Variants in LAMB3 observed in about 807,000 individuals in gnomAD.
The protein encoded by LAMB3 is laminin subunit beta-3.
In LAMB3, 104 loss-of-function variants were observed where a neutral mutation model predicts 140.3. That is an observed-to-expected ratio of 0.74 (90% confidence interval 0.63 to 0.87). LAMB3 has a LOEUF of 0.87. Among genes scored for constraint, LAMB3 ranks in the 40% least tolerant of loss-of-function variants. The probability of loss-of-function intolerance (pLI) is 0.00; values close to 1 mark genes in which losing one functional copy is unlikely to be tolerated. For synonymous variants in LAMB3, 592 were observed against 602.9 expected (o/e 0.98, Z 0.26); for missense variants, 1,531 against 1,575.2 (o/e 0.97, Z 0.47).
chr1:209,614,985 C>A lies in LAMB3; in HGVS notation c.*286G>T. Reference sequence around the variant, plus strand: ...TCCAGGATTCCTCCCCAGTGGAGAACTAAAGGCGGGGGATACTGCCCAGCC... The same window carrying A: ...TCCAGGATTCCTCCCCAGTGGAGAAATAAAGGCGGGGGATACTGCCCAGCC... On this transcript the variant is annotated 3_prime_UTR_variant, in exon 23 of 23. Transcript: ENST00000356082. 1 of 410,510 alleles carries A rather than the reference C, an allele frequency of 2.4e-6. No individual in the cohort carries two copies. 25.4% of individuals were successfully genotyped at this position (410,510 alleles called of 1,614,324 possible).
chr1:209,626,533 C>T (rs1422855547), intron 13 of LAMB3, among the ~76,000 whole-genome samples: 1 of 152,258 alleles, frequency 6.6e-6, no homozygotes, highest in African/African-American at 2.4e-5. Context: ...GGACTCACTT[C>T]CTCCATCTAT....
intron 8 of LAMB3, 83 bp downstream of exon 8, chr1:209,632,500 C>T: frequency 9.0e-7 from 1 of 1,116,814 alleles, no homozygotes; most frequent in East Asian, 2.4e-5. Flanking sequence ...AGTGCCCTTC[C>T]TGCTTTACAG....
chr1:209,623,065 C>A lies in LAMB3; in HGVS notation c.2473G>T (p.Ala825Ser), dbSNP rs766978893. ...CCCGCCATCAAGAAGGCCCCACCGG[C>A]CCTGGGAAGGACACCCCTGCAGCGG... Reference protein sequence around the residue: ...GSRCRGVLPRAGGAFLMAGQV... With the variant: ...GSRCRGVLPRSGGAFLMAGQV... The change falls in exon 17 of 23, where the codon GCC (alanine) becomes TCC (serine). Residue 825 changes from alanine (A) to serine (S), a missense_variant. Ala to Ser is a moderately conservative substitution (Grantham distance 99, BLOSUM62 1). Coordinates refer to ENST00000356082, the MANE Select transcript of LAMB3 (RefSeq NM_000228.3). The surrounding 1 kb of genome is among the most constrained non-coding windows in gnomAD (Gnocchi z 4.2). The A allele has an allele frequency of 6.2e-7, 1 of 1,614,202 alleles. No individual in the cohort carries two copies. The highest frequency in any genetic ancestry group is 1.7e-5 in the Admixed American group (1 of 60,032).
rs774211551 is a variant in LAMB3, at chr1:209,637,893, C to G, written c.372+15G>C. On this transcript the variant is annotated intron_variant, in intron 5 of 22. Transcript: ENST00000356082. The stretch of plus-strand genomic sequence containing the variant: ...GAGCCCCTCTCCTATCCACTGCCAC[C>G]CCCAGGAGGCACACCTGGAACTCCA... 4 of 1,607,260 alleles carry G rather than the reference C, an allele frequency of 2.5e-6. No individual in the cohort carries two copies. The Admixed American group carries it at 6.7e-5, about 27-fold the overall frequency.
intron 7 of LAMB3, 87 bp from the exon 8 acceptor site, chr1:209,632,863 T>A (rs117889079): frequency 3.8e-6 from 5 of 1,332,070 alleles, no homozygotes; most frequent in Non-Finnish European, 4.3e-6. Context: ...CTCCTTCATA[T>A]GTGATACCGT....
intron 18 of LAMB3, among the ~76,000 whole-genome samples, chr1:209,619,199 C>A (rs1486746986): frequency 1.3e-5 from 2 of 152,238 alleles, no homozygotes; most frequent in Admixed American, 6.5e-5. Context: ...ATTGCAACCT[C>A]CACCCTGGAC....
intron 9 of LAMB3, 151 bp from the exon 10 acceptor site, chr1:209,630,076 A>T (rs1214749775): frequency 1.4e-6 from 1 of 740,182 alleles, no homozygotes; most frequent in East Asian, 2.7e-5. Flanking sequence ...AGGTTTGTAT[A>T]ACTTATTTAA....
intron 18 of LAMB3, among the ~76,000 whole-genome samples, 172 bp downstream of exon 18, chr1:209,622,364 G>T (rs1343846817): frequency 1.3e-5 from 2 of 152,212 alleles, no homozygotes; most frequent in Non-Finnish European, 1.5e-5. Context: ...AGTGGGTGGG[G>T]AGGGCAGACG....
At chr1:209,646,605 G>C (rs67566242) in intron 3 of LAMB3, among the ~76,000 whole-genome samples, 26,096 of 152,186 alleles carry the variant, frequency 0.17, 2,420 homozygotes, top group African/African-American at 0.23. Context: ...GCACAGAGGA[G>C]GGCAGCCCAG....
intron 4 of LAMB3, 90 bp downstream of exon 4, chr1:209,638,444 G>T: frequency 2.3e-6 from 2 of 854,168 alleles, no homozygotes; most frequent in South Asian, 1.3e-5. Context: ...AGAAATGCCT[G>T]GGAAACCCAA....
chr1:209,647,182 C>T (rs964260902), intron 3 of LAMB3, among the ~76,000 whole-genome samples: 3 of 152,172 alleles, frequency 2.0e-5, no homozygotes, highest in African/African-American at 4.8e-5. Context: ...AACATGGACC[C>T]GGAATTTACA....
rs373815949 is a variant in LAMB3, at chr1:209,629,813, G to C, written c.1056C>G (p.Gly352=). ...VCDNCRDHTE[G]KNCERCQLHY... ...GCAGCTGACACCGCTCACAGTTCTTGCCTTCGGTGTGGTCCCGGCAATTGT... is the reference window on the plus strand; with the variant it reads ...GCAGCTGACACCGCTCACAGTTCTTCCCTTCGGTGTGGTCCCGGCAATTGT... The change falls in exon 10 of 23, where the codon GGC becomes GGG. Residue 352 remains glycine, a synonymous_variant. Coordinates refer to ENST00000356082, the MANE Select transcript of LAMB3 (RefSeq NM_000228.3). 3.8e-5 allele frequency: 62 copies of C among 1,613,962 alleles called. No individual in the cohort carries two copies. Among genetic ancestry groups the C allele is most frequent in the Admixed American group, 8.3e-5 (5 of 60,016 alleles).
Position 209,623,651 on chromosome 1 carries a change from G to A in LAMB3, c.2212C>T (p.Leu738Phe). 6.2e-7 allele frequency: 1 copy of A among 1,614,210 alleles called. No homozygotes were observed. Among genetic ancestry groups the A allele is most frequent in the Non-Finnish European group, 8.5e-7 (1 of 1,180,032 alleles). ...AAQQVSDSSR[L>F]LDQLRDSRRE... ...CGGCTGTCCCTGAGCTGGTCCAAAA[G>A]GCGCGAGCTGTCGGAGACCTGCTGA... Residue 738 changes from leucine to phenylalanine, a missense_variant, in exon 16 of 23, where the codon CTT becomes TTT. Transcript: ENST00000356082. The surrounding 1 kb of genome is among the most constrained non-coding windows in gnomAD (Gnocchi z 4.2).
chr1:209,632,200 C>T (rs950130755), intron 8 of LAMB3, among the ~76,000 whole-genome samples: 2 of 152,202 alleles, frequency 1.3e-5, no homozygotes, highest in African/African-American at 4.8e-5. Context: ...CCTGGCAGTA[C>T]ATTCGAGTCA....
chr1:209,622,844 T>C (rs1198266082), intron 17 of LAMB3, 138 bp downstream of exon 17: 10 of 1,351,136 alleles, frequency 7.4e-6, no homozygotes, highest in Non-Finnish European at 3.2e-6. Context: ...AAAAACTATC[T>C]TGCACTTGCT....
chr1:209,625,703 G>T lies in LAMB3; in HGVS notation c.1921C>A (p.Pro641Thr), dbSNP rs761318412. ...GCCACCTCCTGCTCTGTGACTGCGG[G>T]GCTGCTGAGAACTGCTCGGATCTGC... Reference protein sequence around the residue: ...IEQIRAVLSSPAVTEQEVAQV... With the variant: ...IEQIRAVLSSTAVTEQEVAQV... Residue 641 changes from proline to threonine, a missense_variant, in exon 14 of 23, where the codon CCC becomes ACC. Physicochemically the swap from Pro to Thr is conservative, Grantham distance 38 (BLOSUM62 -1). Coordinates refer to ENST00000356082, the MANE Select transcript of LAMB3 (RefSeq NM_000228.3). The T allele has an allele frequency of 6.2e-7, 1 of 1,614,166 alleles. No individual in the cohort carries two copies. Among genetic ancestry groups the T allele is most frequent in the Admixed American group, 1.7e-5 (1 of 60,026 alleles).
At chr1:209,651,565 A>G (rs1482390861) in intron 1 of LAMB3, among the ~76,000 whole-genome samples, 1 of 152,194 alleles carries the variant, frequency 6.6e-6, no homozygotes, top group Non-Finnish European at 1.5e-5. Flanking sequence ...GGAGAGATGT[A>G]TGGCTGTCTT....
At position 209,638,522 on chromosome 1, in the gene LAMB3, G is replaced by A. The variant is rs1226297392; in HGVS notation, c.298+12C>T. On this transcript the variant is annotated intron_variant, in intron 4 of 22. Transcript: ENST00000356082. ...TGTACAGTTTGAGTTCCCGTAGATGGCAAATGCTCACCATTCTGTGACTGC... is the reference window on the plus strand; with the variant it reads ...TGTACAGTTTGAGTTCCCGTAGATGACAAATGCTCACCATTCTGTGACTGC... 5 of 1,547,812 alleles carry A rather than the reference G, an allele frequency of 3.2e-6. No individual in the cohort carries two copies. Among genetic ancestry groups the A allele is most frequent in the Admixed American group, 1.7e-5 (1 of 59,950 alleles).
Position 209,623,929 on chromosome 1 carries a change from T to C in LAMB3, c.2048A>G (p.Glu683Gly). 1 of 1,614,120 alleles carries C rather than the reference T, an allele frequency of 6.2e-7. No homozygotes were observed. The highest frequency in any genetic ancestry group is 1.1e-5 in the South Asian group (1 of 91,086). ...ACCATTGAAGCTTCTGTCAAGACTC[T>C]CCAGGTCTCTCGGAAGGGACAACGT... ...EETLSLPRDL[E>G]SLDRSFNGLL... Residue 683 changes from glutamate (E) to glycine (G), a missense_variant, in exon 15 of 23, where the codon GAG becomes GGG. Transcript: ENST00000356082. This position sits in a 1 kb window ranked among gnomAD's most constrained non-coding sequence, Gnocchi z 4.2.
Sources: allele counts gnomAD v4.1 joint callset (sites outside exome capture counted in the v4.1 genomes callset), GRCh38; gene constraint gnomAD v4.1.1; non-coding constraint Gnocchi (gnomAD v3.1); transcripts MANE v1.5; gene names NCBI Gene and HGNC (gene_info 2026-07-23, HGNC 2026-07-21).